SSU72L2: variants seen among roughly 807,000 people sequenced by gnomAD.
The protein encoded by SSU72L2 is RNA polymerase II subunit A C-terminal domain phosphatase SSU72 like protein 2.
chr11:4,241,654 G>T, the SSU72L2 span, among the ~76,000 whole-genome samples: 11 of 144,848 alleles, frequency 7.6e-5, 1 homozygote, highest in East Asian at 2.1e-4. Flanking sequence ...AGAAAAGGAA[G>T]TTTATTTAAA....
the SSU72L2 span, chr11:4,242,054 G>C: frequency 1.6e-6 from 1 of 609,838 alleles, no homozygotes; most frequent in South Asian, 2.0e-5. Context: ...CAGCCCAGAT[G>C]TTCAGTAGAA....
At chr11:4,241,963 G>A in the SSU72L2 span, 1 of 593,230 alleles carries the variant, frequency 1.7e-6, no homozygotes, top group Non-Finnish European at 3.0e-6. Flanking sequence ...GTACTCAGTG[G>A]AAGGTCTTTG....
At chr11:4,241,767 G>A in the SSU72L2 span, among the ~76,000 whole-genome samples, 26 of 148,530 alleles carry the variant, frequency 1.8e-4, no homozygotes, top group South Asian at 6.6e-4. Context: ...GGAAAATGGC[G>A]TCATGGTGGG....
At chr11:4,241,750 C>A in the SSU72L2 span, among the ~76,000 whole-genome samples, 1 of 149,036 alleles carries the variant, frequency 6.7e-6, no homozygotes, top group Non-Finnish European at 1.5e-5. Context: ...GCTCGGTTTG[C>A]TCATCTGGAA....
chr11:4,241,820 C>T, the SSU72L2 span, among the ~76,000 whole-genome samples: 1 of 148,396 alleles, frequency 6.7e-6, no homozygotes, highest in Non-Finnish European at 1.5e-5. Context: ...ATTAGTTATC[C>T]CATGTAATGC....
At chr11:4,242,018 G>C in the SSU72L2 span, 13 of 614,274 alleles carry the variant, frequency 2.1e-5, no homozygotes, top group Non-Finnish European at 3.4e-5. Context: ...CCATGTCTAA[G>C]TTCTTACTGA....
At chr11:4,241,937 A>G in the SSU72L2 span, 696 of 566,338 alleles carry the variant, frequency 1.2e-3, 33 homozygotes, top group African/African-American at 0.012. Flanking sequence ...TGATGTGTAC[A>G]AAAGTAACAC....
the SSU72L2 span, among the ~76,000 whole-genome samples, chr11:4,241,741 C>T: frequency 0.04 from 5,724 of 142,476 alleles, 101 homozygotes; most frequent in East Asian, 0.13. Context: ...CCATTATCAG[C>T]TCGGTTTGCT....
chr11:4,241,778 C>T, the SSU72L2 span, among the ~76,000 whole-genome samples: 2 of 149,280 alleles, frequency 1.3e-5, no homozygotes, highest in African/African-American at 5.0e-5. Context: ...TCATGGTGGG[C>T]TAGCTTCCTT....
At chr11:4,242,210 GT>G in the SSU72L2 span, 1 of 633,224 alleles carries the variant, frequency 1.6e-6, no homozygotes, top group African/African-American at 1.8e-5. Context: ...ATCTTCCAGG[GT>G]ATCTTGGATT....
the SSU72L2 span, chr11:4,241,953 G>C: frequency 5.1e-6 from 3 of 587,846 alleles, no homozygotes; most frequent in African/African-American, 1.9e-5. Flanking sequence ...AACACAAACA[G>C]TACTCAGTGG....
chr11:4,242,632 G>A, the SSU72L2 span: 4 of 632,412 alleles, frequency 6.3e-6, 1 homozygote, highest in Admixed American at 5.4e-5. Context: ...TGAGTGTGGA[G>A]GAGAGCATGA....
At chr11:4,242,595 C>T in the SSU72L2 span, 3 of 713,198 alleles carry the variant, frequency 4.2e-6, no homozygotes, top group East Asian at 5.1e-5. Flanking sequence ...CTCCTGTTGA[C>T]ATTGCTCACG....
At chr11:4,241,986 A>G in the SSU72L2 span, 4 of 601,026 alleles carry the variant, frequency 6.7e-6, no homozygotes, top group East Asian at 8.6e-5. Context: ...GATGCTTCTC[A>G]CAATAAATCC....
At chr11:4,241,800 T>C in the SSU72L2 span, among the ~76,000 whole-genome samples, 1 of 148,968 alleles carries the variant, frequency 6.7e-6, no homozygotes, top group Non-Finnish European at 1.5e-5. Flanking sequence ...TAGAATGATA[T>C]AAGCATGAAA....
the SSU72L2 span, among the ~76,000 whole-genome samples, chr11:4,241,748 T>C: frequency 6.7e-6 from 1 of 149,180 alleles, no homozygotes; most frequent in African/African-American, 2.5e-5. Context: ...CAGCTCGGTT[T>C]GCTCATCTGG....
chr11:4,242,693 T>A, the SSU72L2 span: 352,713 of 495,764 alleles, frequency 0.71, 120,078 homozygotes, highest in Non-Finnish European at 0.76. Context: ...TGCTGCAGGG[T>A]CTCGGAGCCG....
the SSU72L2 span, chr11:4,242,569 G>T: frequency 2.4e-3 from 1,795 of 739,956 alleles, 99 homozygotes; most frequent in East Asian, 0.042. Flanking sequence ...TCCTGAGGAT[G>T]CTGTGGGCCT....
the SSU72L2 span, chr11:4,242,015 T>C: frequency 1.6e-6 from 1 of 614,458 alleles, no homozygotes; most frequent in Non-Finnish European, 2.9e-6. Flanking sequence ...GTCCCATGTC[T>C]AAGTTCTTAC....
Sources: gnomAD v4.1 joint callset for allele counts (sites outside exome capture counted in the v4.1 genomes callset) on GRCh38, gnomAD v4.1.1 for gene constraint, MANE v1.5 for transcripts, NCBI Gene and HGNC (gene_info 2026-07-23, HGNC 2026-07-21) for gene names.